WWOX: variants seen among roughly 807,000 people sequenced by gnomAD.
WWOX encodes WW domain containing oxidoreductase.
WWOX carries 69 observed loss-of-function variants against 46.2 expected under a neutral mutation model. That is an observed-to-expected ratio of 1.49 (90% confidence interval 1.23 to 1.82). The LOEUF (loss-of-function observed/expected upper bound fraction) is 1.82. Among genes scored for constraint, WWOX ranks in the 40% most tolerant of loss-of-function variants. The pLI, the probability that WWOX is intolerant of heterozygous loss-of-function variation, is 0.00. For missense variants in WWOX, 919 were observed against 542.6 expected (o/e 1.69, Z -6.89); for synonymous variants, 359 against 202.6 (o/e 1.77, Z -6.56).
intron 5 of WWOX, among the ~76,000 whole-genome samples, chr16:78,276,310 G>T (rs1371765647): frequency 1.3e-5 from 2 of 152,192 alleles, no homozygotes; most frequent in Non-Finnish European, 2.9e-5. Flanking sequence ...GTGAGAATCA[G>T]AGTTTATGCA....
chr16:79,064,520 T>G (rs996991371), intron 8 of WWOX, among the ~76,000 whole-genome samples: 2 of 152,242 alleles, frequency 1.3e-5, no homozygotes, highest in African/African-American at 4.8e-5. Flanking sequence ...AACGCAGATG[T>G]GGAGACACCT....
intron 5 of WWOX, among the ~76,000 whole-genome samples, chr16:78,200,309 C>A (rs1334700696): frequency 6.6e-6 from 1 of 151,526 alleles, no homozygotes; most frequent in Non-Finnish European, 1.5e-5. Flanking sequence ...TCCTTTCCCC[C>A]TGCTGACAGT....
chr16:78,538,211 C>G (rs1471858297), intron 8 of WWOX, among the ~76,000 whole-genome samples: 1 of 110,284 alleles, frequency 9.1e-6, no homozygotes, highest in Non-Finnish European at 1.7e-5. Context: ...TAAGCTATCA[C>G]TCACACCAAA....
intron 5 of WWOX, among the ~76,000 whole-genome samples, chr16:78,329,836 T>G (rs773054440): frequency 2.2e-4 from 34 of 151,590 alleles, no homozygotes; most frequent in Non-Finnish European, 4.6e-4. Flanking sequence ...AGCCTCAAAC[T>G]CTTTGGCTCC....
chr16:78,980,782 T>G (rs2046665193), intron 8 of WWOX, among the ~76,000 whole-genome samples: 1 of 152,224 alleles, frequency 6.6e-6, no homozygotes, highest in Admixed American at 6.5e-5. Context: ...TTTGCAGGGC[T>G]TATTTTCATC....
intron 8 of WWOX, among the ~76,000 whole-genome samples, chr16:78,721,637 C>T (rs76664800): frequency 3.4e-4 from 51 of 152,230 alleles, no homozygotes; most frequent in South Asian, 6.2e-4. Context: ...AAATTTGATT[C>T]CTCCGTCACT....
At chr16:78,841,901 C>T (rs908690465) in intron 8 of WWOX, among the ~76,000 whole-genome samples, 2 of 152,002 alleles carry the variant, frequency 1.3e-5, no homozygotes, top group African/African-American at 2.4e-5. Flanking sequence ...ACGAGGGTCT[C>T]GATTATTGGG....
chr16:79,198,042 G>C (rs1322697744), intron 8 of WWOX, among the ~76,000 whole-genome samples: 1 of 152,062 alleles, frequency 6.6e-6, no homozygotes. Context: ...TTTAGAAAAT[G>C]GGCTGGGCAT....
At chr16:78,792,091 G>T (rs1377223943) in intron 8 of WWOX, among the ~76,000 whole-genome samples, 1 of 152,072 alleles carries the variant, frequency 6.6e-6, no homozygotes, top group African/African-American at 2.4e-5. Flanking sequence ...CAGGACGGTT[G>T]CCTGTATCCC....
chr16:79,054,905 G>A (rs2048234328), intron 8 of WWOX, among the ~76,000 whole-genome samples: 2 of 152,196 alleles, frequency 1.3e-5, no homozygotes, highest in African/African-American at 2.4e-5. Context: ...AGTGTTTTAA[G>A]TTCTAGAATT....
intron 8 of WWOX, among the ~76,000 whole-genome samples, chr16:78,571,058 G>C (rs2044704360): frequency 6.6e-6 from 1 of 152,126 alleles, no homozygotes; most frequent in Admixed American, 6.6e-5. Context: ...TAGAATTGAG[G>C]TTTGAAGGGA....
At chr16:78,674,133 A>G (rs2047531590) in intron 8 of WWOX, among the ~76,000 whole-genome samples, 1 of 152,190 alleles carries the variant, frequency 6.6e-6, no homozygotes, top group Admixed American at 6.5e-5. Flanking sequence ...TTTGGAAATA[A>G]AATCCAACAG....
intron 4 of WWOX, among the ~76,000 whole-genome samples, chr16:78,121,066 C>T (rs1454099092): frequency 6.6e-6 from 1 of 151,796 alleles, no homozygotes; most frequent in Non-Finnish European, 1.5e-5. Context: ...ATGGGTAAAA[C>T]ACACTCATAT....
chr16:78,280,857 A>G (rs1187168764), intron 5 of WWOX: 1 of 152,586 alleles, frequency 6.6e-6, no homozygotes, highest in South Asian at 2.0e-4. Context: ...CATCAGAATC[A>G]TCTGAATCAT....
intron 5 of WWOX, among the ~76,000 whole-genome samples, chr16:78,265,224 C>G (rs964579448): frequency 1.3e-5 from 2 of 151,850 alleles, no homozygotes; most frequent in African/African-American, 4.8e-5. Flanking sequence ...TGGTCTTGAA[C>G]TCCTGACCCT....
intron 1 of WWOX, among the ~76,000 whole-genome samples, chr16:78,103,200 G>A (rs1180019454): frequency 6.6e-6 from 1 of 150,574 alleles, no homozygotes; most frequent in Admixed American, 6.6e-5. Context: ...CAGCCCTCCC[G>A]ACTAGTGTCT....
chr16:78,117,217 G>A (rs1023832093), intron 4 of WWOX, among the ~76,000 whole-genome samples: 7 of 152,160 alleles, frequency 4.6e-5, no homozygotes, highest in Admixed American at 4.6e-4. Context: ...ACTGCAGGAG[G>A]TGTCTGCGGT....
intron 8 of WWOX, among the ~76,000 whole-genome samples, chr16:78,742,177 T>A (rs1032596472): frequency 2.6e-5 from 4 of 152,206 alleles, no homozygotes; most frequent in Non-Finnish European, 4.4e-5. Context: ...AGATTGTACA[T>A]CGTTTGTCGA....
chr16:79,106,911 G>T (rs1214941264), intron 8 of WWOX, among the ~76,000 whole-genome samples: 2 of 149,160 alleles, frequency 1.3e-5, no homozygotes, highest in East Asian at 2.0e-4. Flanking sequence ...GGGTTCAAGC[G>T]ATTCTCCTGC....
Sources: gnomAD v4.1 joint callset for allele counts (sites outside exome capture counted in the v4.1 genomes callset) on GRCh38, gnomAD v4.1.1 for gene constraint, MANE v1.5 for transcripts, NCBI Gene and HGNC (gene_info 2026-07-23, HGNC 2026-07-21) for gene names.